Variants in LPP observed in about 807,000 individuals in gnomAD.
LPP encodes the protein lipoma-preferred partner.
LPP carries 38 observed loss-of-function variants against 60.4 expected under a neutral mutation model. The observed-to-expected ratio is 0.63, with a 90% CI of 0.49 to 0.83. The LOEUF is 0.83. LPP is among the 40% of genes least tolerant of loss of function. LPP has a pLI of 0.00. For synonymous variants in LPP, 328 were observed against 290.8 expected (o/e 1.13, Z -1.30); for missense variants, 902 against 783.6 (o/e 1.15, Z -1.80).
intron 3 of LPP, among the ~76,000 whole-genome samples, chr3:188,384,125 T>C (rs1424674248): frequency 6.6e-6 from 1 of 152,202 alleles, no homozygotes; most frequent in Non-Finnish European, 1.5e-5. Context: ...ATTAGAAATA[T>C]TTTGCTCCAT....
chr3:188,585,827 C>T (rs1371611306), intron 6 of LPP, among the ~76,000 whole-genome samples: 1 of 152,182 alleles, frequency 6.6e-6, no homozygotes, highest in Non-Finnish European at 1.5e-5. Flanking sequence ...TGCAAACACA[C>T]ATGTAAACAT....
At position 188,874,407 on chromosome 3, in the gene LPP, G is replaced by A; in HGVS notation, c.1767G>A (p.Gly589=). The change falls in exon 12 of 12, where the codon GGG becomes GGA. Residue 589 remains glycine, a synonymous_variant. Transcript: ENST00000617246. ...GDNQGCYPLD[G]HILCKTCNSA... ...ACCAAGGCTGCTACCCCTTGGATGG[G>A]CACATCCTCTGCAAGACCTGCAACT... The A allele has an allele frequency of 6.2e-7, 1 of 1,614,102 alleles. No individual in the cohort carries two copies. Among genetic ancestry groups the A allele is most frequent in the Non-Finnish European group, 8.5e-7 (1 of 1,179,974 alleles).
chr3:188,176,596 T>TA (rs201845062), intron 1 of LPP, among the ~76,000 whole-genome samples: 1,920 of 145,356 alleles, frequency 0.013, 30 homozygotes, highest in African/African-American at 0.044. Context: ...TTCAGCTAAT[T>TA]AAAAAAAAAA....
At chr3:188,499,201 G>A (rs971926964) in intron 5 of LPP, among the ~76,000 whole-genome samples, 15 of 152,048 alleles carry the variant, frequency 9.9e-5, no homozygotes, top group South Asian at 4.1e-4. Context: ...TAAGACATTC[G>A]TTGCCAAATT....
intron 8 of LPP, among the ~76,000 whole-genome samples, chr3:188,746,925 C>G (rs982986747): frequency 6.6e-6 from 1 of 152,170 alleles, no homozygotes; most frequent in Non-Finnish European, 1.5e-5. Flanking sequence ...CCAGAAACCA[C>G]CACAGAGTGG....
intron 3 of LPP, among the ~76,000 whole-genome samples, chr3:188,402,383 A>G (rs1234782718): frequency 6.6e-6 from 1 of 152,218 alleles, no homozygotes; most frequent in Non-Finnish European, 1.5e-5. Flanking sequence ...GCATGCAAAG[A>G]TGGTTCAATA....
intron 2 of LPP, among the ~76,000 whole-genome samples, chr3:188,261,359 G>GAC (rs59390902): frequency 4.6e-4 from 69 of 151,256 alleles, no homozygotes; most frequent in African/African-American, 1.5e-3. Flanking sequence ...TCTCTACACA[G>GAC]ACACACACAC....
At chr3:188,293,908 A>G (rs944682579) in intron 2 of LPP, among the ~76,000 whole-genome samples, 10 of 151,984 alleles carry the variant, frequency 6.6e-5, no homozygotes, top group Non-Finnish European at 1.3e-4. Context: ...TCTACTAAAA[A>G]TACAAAAATC....
intron 6 of LPP, among the ~76,000 whole-genome samples, chr3:188,581,008 T>C (rs1835952890): frequency 6.6e-6 from 1 of 152,050 alleles, no homozygotes. Flanking sequence ...TACTTAAAAA[T>C]CAACTGATTA....
At chr3:188,328,146 C>T (rs1287045908) in intron 2 of LPP, among the ~76,000 whole-genome samples, 1 of 152,080 alleles carries the variant, frequency 6.6e-6, no homozygotes, top group Non-Finnish European at 1.5e-5. Flanking sequence ...TGACAGTTTT[C>T]ACATTACCTA....
rs1287351382 is a variant in LPP, at chr3:188,875,646, G to A, written c.*1167G>A. ...CCTTCTGCAACTGAAATTACATATTGCAGGAGACATTTTCATATCATCAAT... is the reference window on the plus strand; with the variant it reads ...CCTTCTGCAACTGAAATTACATATTACAGGAGACATTTTCATATCATCAAT... On this transcript the variant is annotated 3_prime_UTR_variant, in exon 12 of 12. Transcript: ENST00000617246. 9.8e-6 allele frequency: 2 copies of A among 203,384 alleles called. No homozygotes were observed. The highest frequency in any genetic ancestry group is 1.2e-4 in the Admixed American group (2 of 16,668). 12.6% of individuals were successfully genotyped at this position (203,384 alleles called of 1,614,324 possible). A position where few individuals can be genotyped will look rare whatever the true frequency, so the allele number is the denominator to read the frequency against.
intron 2 of LPP, among the ~76,000 whole-genome samples, chr3:188,311,800 G>A (rs1178406409): frequency 2.6e-5 from 4 of 151,816 alleles, no homozygotes; most frequent in Non-Finnish European, 5.9e-5. Context: ...TGCTATGCCC[G>A]GCTAATTTTT....
In LPP at chr3:188,861,845, A is replaced by G. The variant is rs186580044; in HGVS notation, c.1411-4355A>G. ...TTGCCAACATTTCAGAAAAATTTATAAGCTGTGACTTTTAGCAACAGAATC... is the reference window on the plus strand; with the variant it reads ...TTGCCAACATTTCAGAAAAATTTATGAGCTGTGACTTTTAGCAACAGAATC... On this transcript the variant is annotated intron_variant, in intron 9 of 11. Transcript: ENST00000617246. Among the ~76,000 whole-genome samples the G allele has an allele frequency of 6.1e-3, 934 of 152,156 alleles. 4 individuals are homozygous for G. The highest frequency in any genetic ancestry group is 9.5e-3 in the Non-Finnish European group (643 of 68,022).
chr3:188,187,596 T>C (rs1726976364), intron 1 of LPP, among the ~76,000 whole-genome samples: 3 of 152,134 alleles, frequency 2.0e-5, no homozygotes, highest in South Asian at 2.1e-4. Flanking sequence ...GAGTCTGTTC[T>C]GTGTGTCTTC....
At chr3:188,856,342 C>T (rs1279269213) in intron 9 of LPP, among the ~76,000 whole-genome samples, 3 of 152,114 alleles carry the variant, frequency 2.0e-5, no homozygotes, top group Non-Finnish European at 2.9e-5. Context: ...TTTTTCCAAA[C>T]TCAATATTCA....
intron 7 of LPP, among the ~76,000 whole-genome samples, chr3:188,623,890 G>A (rs4686487): frequency 0.21 from 32,010 of 152,136 alleles, 3,663 homozygotes; most frequent in South Asian, 0.37. Context: ...GCTTCAGGTC[G>A]TCTCTTCCTT....
intron 7 of LPP, among the ~76,000 whole-genome samples, chr3:188,636,506 C>A (rs1580579891): frequency 1.3e-5 from 2 of 152,298 alleles, no homozygotes; most frequent in South Asian, 4.1e-4. Flanking sequence ...CCCAGACTTG[C>A]TTAGGTAAAC....
At chr3:188,418,618 C>G (rs570284792) in intron 4 of LPP, among the ~76,000 whole-genome samples, 1 of 151,974 alleles carries the variant, frequency 6.6e-6, no homozygotes, top group African/African-American at 2.4e-5. Context: ...ATTATTTTCC[C>G]GAATTATTAC....
intron 2 of LPP, among the ~76,000 whole-genome samples, chr3:188,308,072 T>A (rs1752116969): frequency 6.6e-6 from 1 of 152,194 alleles, no homozygotes; most frequent in Non-Finnish European, 1.5e-5. Context: ...GTTGCTTAAA[T>A]ATCAGGCCCC....
Sources: allele counts gnomAD v4.1 joint callset (sites outside exome capture counted in the v4.1 genomes callset), GRCh38; gene constraint gnomAD v4.1.1; transcripts MANE v1.5; gene names NCBI Gene and HGNC (gene_info 2026-07-23, HGNC 2026-07-21).